Variants in PTPRN2 observed in about 807,000 individuals in gnomAD.
PTPRN2 encodes the protein protein tyrosine phosphatase receptor type N2.
In PTPRN2, 74 loss-of-function variants were observed where a neutral mutation model predicts 118.8. That is an observed-to-expected ratio of 0.62 (90% CI 0.52 to 0.76). The LOEUF (loss-of-function observed/expected upper bound fraction) is 0.76. Among genes scored for constraint, PTPRN2 ranks in the 30% least tolerant of loss-of-function variants. The pLI, the probability that PTPRN2 is intolerant of heterozygous loss-of-function variation, is 0.00. For synonymous variants in PTPRN2, 641 were observed against 608.0 expected, an observed-to-expected ratio of 1.05 and a Z score of -0.80; for missense variants, 1,481 against 1,394.4, an observed-to-expected ratio of 1.06 and a Z score of -0.99.
chr7:158,063,628 C>T (rs560420182), intron 11 of PTPRN2, among the ~76,000 whole-genome samples: 146 of 152,296 alleles, frequency 9.6e-4, no homozygotes, highest in Non-Finnish European at 1.7e-3. Context: ...GTAACACTCA[C>T]CATGAAGGTC....
intron 2 of PTPRN2, among the ~76,000 whole-genome samples, chr7:158,384,735 A>C (rs1403717124): frequency 6.6e-6 from 1 of 152,194 alleles, no homozygotes; most frequent in African/African-American, 2.4e-5. Flanking sequence ...AAAAAATTTC[A>C]TTTACTAATA....
chr7:158,156,479 C>T (rs1821828029), intron 6 of PTPRN2, among the ~76,000 whole-genome samples: 1 of 152,196 alleles, frequency 6.6e-6, no homozygotes. Flanking sequence ...AGGGTTGGGA[C>T]TTCGGAGCTG....
At chr7:158,341,636 A>G (rs373901536) in intron 2 of PTPRN2, among the ~76,000 whole-genome samples, 1,092 of 22,842 alleles carry the variant, frequency 0.048, 232 homozygotes, top group Middle Eastern at 0.071. Flanking sequence ...AAGAGGTAAC[A>G]CATGCAGACG....
rs1585441864 is a variant in PTPRN2, at chr7:157,778,374, T to A, written c.1789-95437A>T. Among the ~76,000 whole-genome samples, 5 of 151,946 alleles carry A rather than the reference T, an allele frequency of 3.3e-5. No homozygotes were observed. The South Asian group carries it at 1.0e-3, about 31-fold the overall frequency. On this transcript the variant is annotated intron_variant, in intron 12 of 22. Transcript: ENST00000389418. Reference sequence around the variant, plus strand: ...CAGTTGTTGAATGCCCACGTAAACATGTCCACGTGAATACAGGTGTTGAAT... The same window carrying A: ...CAGTTGTTGAATGCCCACGTAAACAAGTCCACGTGAATACAGGTGTTGAAT...
chr7:158,284,437 A>G (rs1241967666), intron 3 of PTPRN2, among the ~76,000 whole-genome samples: 1 of 152,184 alleles, frequency 6.6e-6, no homozygotes, highest in African/African-American at 2.4e-5. Context: ...CTGCTGGGAC[A>G]CACCCATTTC....
intron 3 of PTPRN2, among the ~76,000 whole-genome samples, chr7:158,260,064 T>G (rs1204729868): frequency 6.6e-6 from 1 of 152,256 alleles, no homozygotes; most frequent in African/African-American, 2.4e-5. Flanking sequence ...TGCATGCACA[T>G]ATTTGTGTGT....
rs1801469121 is a variant in PTPRN2, at chr7:157,751,550, G to A, written c.1789-68613C>T. ...CTCGGGAGGTGTCTCTGTCCTCGGC[G>A]TGGGAGGGTCTTTGAGAAGGTGAAG... On this transcript the variant is annotated intron_variant, in intron 12 of 22. Coordinates refer to ENST00000389418, the MANE Select transcript of PTPRN2 (RefSeq NM_002847.5). 2.0e-5 allele frequency among the ~76,000 whole-genome samples: 3 copies of A among 152,226 alleles called. No homozygotes were observed. In the South Asian group the frequency reaches 6.3e-4, roughly 32 times the overall value.
intron 3 of PTPRN2, among the ~76,000 whole-genome samples, chr7:158,229,271 A>G (rs1295891622): frequency 2.0e-5 from 3 of 152,128 alleles, no homozygotes; most frequent in Non-Finnish European, 4.4e-5. Flanking sequence ...AATGTATCCA[A>G]TAAAAACTAA....
At chr7:158,131,718 ACACACAT>A (rs1818323595) in intron 9 of PTPRN2, among the ~76,000 whole-genome samples, 1 of 20,238 alleles carries the variant, frequency 4.9e-5, no homozygotes, top group African/African-American at 3.6e-4. Flanking sequence ...GCACAGATAC[ACACACAT>A]CTACCCAACA....
intron 13 of PTPRN2, among the ~76,000 whole-genome samples, chr7:157,657,792 A>C (rs55896549): frequency 2.1e-4 from 1 of 4,832 alleles, no homozygotes; most frequent in African/African-American, 3.6e-4. Flanking sequence ...TACACACACA[A>C]ACGCCACACA....
chr7:157,999,603 G>A (rs1805058049), intron 11 of PTPRN2, among the ~76,000 whole-genome samples: 3 of 152,164 alleles, frequency 2.0e-5, no homozygotes, highest in African/African-American at 7.2e-5. Context: ...AGGCCTCCAG[G>A]AAACCTGTCA....
chr7:157,765,025 C>T (rs1802364498), intron 12 of PTPRN2, among the ~76,000 whole-genome samples: 1 of 151,370 alleles, frequency 6.6e-6, no homozygotes, highest in African/African-American at 2.4e-5. Context: ...TCCATCCATC[C>T]ATCCATCATG....
chr7:158,319,649 TCACA>T (rs1199225726), intron 2 of PTPRN2, among the ~76,000 whole-genome samples: 4 of 16,696 alleles, frequency 2.4e-4, no homozygotes, highest in African/African-American at 1.1e-3. Context: ...ACAGCCTCCC[TCACA>T]CACACACACA....
chr7:158,213,248 GT>G (rs1563611723), intron 3 of PTPRN2, among the ~76,000 whole-genome samples: 25 of 142,936 alleles, frequency 1.7e-4, no homozygotes, highest in African/African-American at 6.3e-4. Context: ...GTGTGTGTGT[GT>G]GTGGCGTAGG....
intron 4 of PTPRN2, among the ~76,000 whole-genome samples, chr7:158,200,012 T>C (rs1416345428): frequency 6.6e-6 from 1 of 151,744 alleles, no homozygotes. Context: ...AAATTACGAA[T>C]ACTAAAGAAG....
chr7:157,561,487 G>C (rs553329633), intron 21 of PTPRN2, among the ~76,000 whole-genome samples: 38 of 152,242 alleles, frequency 2.5e-4, no homozygotes, highest in African/African-American at 8.2e-4. Flanking sequence ...GCCTCTGAGC[G>C]CCGTCCCTGG....
chr7:157,875,687 C>G (rs903233531), intron 12 of PTPRN2, among the ~76,000 whole-genome samples: 4 of 152,194 alleles, frequency 2.6e-5, no homozygotes, highest in African/African-American at 9.7e-5. Flanking sequence ...GCACCTTGGG[C>G]CTCGGGGGTC....
chr7:157,544,184 G>A (rs752423322), intron 22 of PTPRN2, among the ~76,000 whole-genome samples: 4 of 150,694 alleles, frequency 2.7e-5, no homozygotes, highest in African/African-American at 9.8e-5. Context: ...GAGAGGTGGA[G>A]AGAGATGGAG....
At position 157,644,815 on chromosome 7, in the gene PTPRN2, A is replaced by C. The variant is rs10251335; in HGVS notation, c.2196+11542T>G. ...CATCTCAAAAAACAAAAAAAAAAAA[A>C]CAAAAAACAAAAGAAAACAAAACAA... On this transcript the variant is annotated intron_variant, in intron 14 of 22. Transcript: ENST00000389418. Among the ~76,000 whole-genome samples, 907 of 149,912 alleles carry C rather than the reference A, an allele frequency of 6.1e-3. 8 individuals are homozygous for C. The highest frequency in any genetic ancestry group is 8.2e-3 in the Non-Finnish European group (552 of 67,422).
Sources: gnomAD v4.1 joint callset for allele counts (sites outside exome capture counted in the v4.1 genomes callset) on GRCh38, gnomAD v4.1.1 for gene constraint, MANE v1.5 for transcripts, NCBI Gene and HGNC (gene_info 2026-07-23, HGNC 2026-07-21) for gene names.